Variants in SLC35D4 observed in about 807,000 individuals in gnomAD.
SLC35D4 encodes the protein UDP-N-acetylglucosamine transporter SLC35D4.
the SLC35D4 span, among the ~76,000 whole-genome samples, chr18:23,317,353 A>G: frequency 1.3e-5 from 2 of 152,340 alleles, no homozygotes; most frequent in African/African-American, 4.8e-5. Context: ...ATTGCCAAAC[A>G]TCACAGAACC....
the SLC35D4 span, chr18:23,257,131 G>A: frequency 1.5e-6 from 2 of 1,378,696 alleles, no homozygotes; most frequent in Admixed American, 3.9e-5. Context: ...TTTCTCCTGA[G>A]CACTCACTGG....
At chr18:23,354,832 C>A in the SLC35D4 span, among the ~76,000 whole-genome samples, 1 of 152,190 alleles carries the variant, frequency 6.6e-6, no homozygotes, top group African/African-American at 2.4e-5. Flanking sequence ...CCTTTTGCAT[C>A]GCTTAACTTC....
the SLC35D4 span, among the ~76,000 whole-genome samples, chr18:23,280,115 G>C: frequency 1.3e-5 from 2 of 152,264 alleles, no homozygotes; most frequent in Non-Finnish European, 2.9e-5. Flanking sequence ...ATGGGCATTT[G>C]TGCACAGGGC....
At chr18:23,430,982 C>A in the SLC35D4 span, among the ~76,000 whole-genome samples, 7 of 151,720 alleles carry the variant, frequency 4.6e-5, no homozygotes, top group African/African-American at 1.4e-4. Context: ...GGTGAAACCC[C>A]GTCTCTATTA....
At chr18:23,304,818 C>T in the SLC35D4 span, among the ~76,000 whole-genome samples, 1 of 152,130 alleles carries the variant, frequency 6.6e-6, no homozygotes, top group African/African-American at 2.4e-5. Flanking sequence ...CCTCTTCCAT[C>T]CCCCAACTCT....
At chr18:23,324,427 A>G in the SLC35D4 span, among the ~76,000 whole-genome samples, 1 of 152,228 alleles carries the variant, frequency 6.6e-6, no homozygotes, top group Non-Finnish European at 1.5e-5. Flanking sequence ...TTGTTTAAAA[A>G]GGCTGAATGT....
At chr18:23,299,899 A>G in the SLC35D4 span, among the ~76,000 whole-genome samples, 2 of 152,206 alleles carry the variant, frequency 1.3e-5, no homozygotes, top group African/African-American at 4.8e-5. Context: ...AAATAAAACT[A>G]TAACAGTGAA....
the SLC35D4 span, chr18:23,370,194 G>GA: frequency 0.03 from 39,619 of 1,319,794 alleles, no homozygotes; most frequent in East Asian, 0.044. Flanking sequence ...CCATCTCAAG[G>GA]AAAAAAAAAA....
At chr18:23,258,171 T>C in the SLC35D4 span, 1 of 152,464 alleles carries the variant, frequency 6.6e-6, no homozygotes, top group Non-Finnish European at 1.5e-5. Flanking sequence ...CGTGGCGCTC[T>C]GTAACTTCCT....
chr18:23,386,124 CAAAAAAAA>C, the SLC35D4 span, among the ~76,000 whole-genome samples: 3 of 41,132 alleles, frequency 7.3e-5, no homozygotes, highest in Non-Finnish European at 1.5e-4. Flanking sequence ...GACTCTGTCT[CAAAAAAAA>C]AAAAAAAAAA....
At chr18:23,240,204 G>T in the SLC35D4 span, among the ~76,000 whole-genome samples, 1 of 152,168 alleles carries the variant, frequency 6.6e-6, no homozygotes, top group South Asian at 2.1e-4. Context: ...AGACTTCCCC[G>T]AGGAATGGCA....
the SLC35D4 span, among the ~76,000 whole-genome samples, chr18:23,379,966 G>A: frequency 5.9e-5 from 9 of 151,978 alleles, no homozygotes; most frequent in South Asian, 4.1e-4. Context: ...GTGTGGTGGC[G>A]CACACCTGTA....
At chr18:23,247,877 T>C in the SLC35D4 span, among the ~76,000 whole-genome samples, 1,903 of 152,314 alleles carry the variant, frequency 0.012, 43 homozygotes, top group African/African-American at 0.043. Flanking sequence ...ATTCCCCACT[T>C]ACGCGGGGCC....
At chr18:23,292,356 G>C in the SLC35D4 span, among the ~76,000 whole-genome samples, 192 of 152,330 alleles carry the variant, frequency 1.3e-3, 1 homozygote, top group Middle Eastern at 6.8e-3. Context: ...GTTCAGGTGA[G>C]AGCAGTGCCA....
chr18:23,347,130 G>A, the SLC35D4 span, among the ~76,000 whole-genome samples: 9 of 151,968 alleles, frequency 5.9e-5, no homozygotes, highest in African/African-American at 1.9e-4. Flanking sequence ...AGCCAACTGG[G>A]GCTGAGCTTT....
At chr18:23,334,616 A>C in the SLC35D4 span, among the ~76,000 whole-genome samples, 3 of 152,222 alleles carry the variant, frequency 2.0e-5, no homozygotes, top group African/African-American at 7.2e-5. Context: ...AATCAGACAC[A>C]GTCTACTTAT....
the SLC35D4 span, among the ~76,000 whole-genome samples, chr18:23,366,330 C>T: frequency 1.4e-4 from 21 of 152,354 alleles, no homozygotes; most frequent in Non-Finnish European, 2.4e-4. Context: ...GCTGCCAAAC[C>T]CCACTTGAGG....
At chr18:23,261,616 C>G in the SLC35D4 span, among the ~76,000 whole-genome samples, 1 of 151,860 alleles carries the variant, frequency 6.6e-6, no homozygotes, top group Non-Finnish European at 1.5e-5. Context: ...GACCCTGTCT[C>G]AGAAAAAAAA....
At chr18:23,418,842 C>T in the SLC35D4 span, among the ~76,000 whole-genome samples, 3 of 151,578 alleles carry the variant, frequency 2.0e-5, no homozygotes, top group Non-Finnish European at 4.4e-5. Flanking sequence ...CCCGTCTCTA[C>T]TAAAAAATAC....
Sources: allele counts gnomAD v4.1 joint callset (sites outside exome capture counted in the v4.1 genomes callset), GRCh38; gene constraint gnomAD v4.1.1; transcripts MANE v1.5; gene names NCBI Gene and HGNC (gene_info 2026-07-23, HGNC 2026-07-21).